The following SNX24 variants were observed in gnomAD, a reference collection of about 807,000 sequenced individuals.
SNX24 encodes sorting nexin 24, also known as sorting nexin-24.
A neutral mutation model predicts 28.7 loss-of-function variants in SNX24; 22 were observed. The observed-to-expected ratio is 0.77, with a 90% CI of 0.55 to 1.10. The LOEUF (loss-of-function observed/expected upper bound fraction) is 1.10. Among genes scored for constraint, SNX24 ranks in the 50% least tolerant of loss-of-function variants. The pLI is 0.00. For missense variants in SNX24, 221 were observed against 201.1 expected (o/e 1.10, Z -0.60); for synonymous variants, 69 against 71.5 (o/e 0.96, Z 0.18).
chr5:123,023,801 C>A, intron 5 of SNX24: 3 of 1,397,002 alleles, frequency 2.1e-6, no homozygotes, highest in South Asian at 1.7e-5. Context: ...AATTGAAAGA[C>A]AACACAACAC....
chr5:122,915,770 G>T (rs561695191), intron 1 of SNX24, among the ~76,000 whole-genome samples: 1 of 152,298 alleles, frequency 6.6e-6, no homozygotes, highest in East Asian at 1.9e-4. Context: ...TCTGCCCTCT[G>T]CCTACCTTAG....
chr5:122,927,156 A>G (rs905388801), intron 1 of SNX24, among the ~76,000 whole-genome samples: 2 of 152,130 alleles, frequency 1.3e-5, no homozygotes, highest in African/African-American at 4.8e-5. Flanking sequence ...GCCATTATAA[A>G]CTCCATGTTA....
intron 1 of SNX24, among the ~76,000 whole-genome samples, chr5:122,878,587 A>G (rs889839211): frequency 1.3e-5 from 2 of 152,146 alleles, no homozygotes; most frequent in Non-Finnish European, 2.9e-5. Flanking sequence ...GGAGGTGGGA[A>G]TGAAGCTTCC....
chr5:122,925,845 C>T (rs1326374013), intron 1 of SNX24, among the ~76,000 whole-genome samples: 1 of 152,194 alleles, frequency 6.6e-6, no homozygotes, highest in African/African-American at 2.4e-5. Flanking sequence ...ATTCAACCTG[C>T]TGTGTTGCAA....
chr5:122,906,087 G>A (rs907847273), intron 1 of SNX24, among the ~76,000 whole-genome samples: 6 of 152,182 alleles, frequency 3.9e-5, no homozygotes, highest in African/African-American at 1.4e-4. Context: ...GAACCTGCAG[G>A]TAAAGTGTTC....
chr5:123,028,773 AC>A (rs1388136350), intron 5 of SNX24: 5 of 1,606,608 alleles, frequency 3.1e-6, no homozygotes, highest in Non-Finnish European at 4.3e-6. Flanking sequence ...CAAAGACGTT[AC>A]CCCCAGTGCC....
intron 5 of SNX24, among the ~76,000 whole-genome samples, chr5:123,020,802 C>T (rs1376370279): frequency 6.6e-6 from 1 of 152,224 alleles, no homozygotes; most frequent in Non-Finnish European, 1.5e-5. Flanking sequence ...GGGCCACTTC[C>T]TTCTGTGCTG....
At chr5:122,893,241 G>C (rs1420491281) in intron 1 of SNX24, among the ~76,000 whole-genome samples, 1 of 56,732 alleles carries the variant, frequency 1.8e-5, no homozygotes, top group Non-Finnish European at 2.7e-5. Context: ...TTGTCACAAG[G>C]GATCTCCTTC....
In SNX24 at chr5:122,946,074, C is replaced by A; in HGVS notation, c.164C>A (p.Thr55Asn). ...LHKKLKKCIK[T>N]PEIPSKHVRN... ...TTATAGCTTAAGAAATGTATAAAAA[C>A]TCCAGAAATCCCTTCTAAACATGTT... The change falls in exon 3 of 7, where the codon ACT becomes AAT. Residue 55 changes from threonine to asparagine, a missense_variant. Coordinates refer to ENST00000261369, the MANE Select transcript of SNX24 (RefSeq NM_014035.4). The A allele has an allele frequency of 6.3e-7, 1 of 1,582,778 alleles. No individual in the cohort carries two copies.
intron 1 of SNX24, among the ~76,000 whole-genome samples, chr5:122,926,292 G>C (rs1195488758): frequency 6.6e-6 from 1 of 152,184 alleles, no homozygotes; most frequent in African/African-American, 2.4e-5. Context: ...GGCTGGACCA[G>C]GGTGAGTGAG....
At chr5:122,968,929 A>T (rs1330992162) in intron 3 of SNX24, among the ~76,000 whole-genome samples, 1 of 152,122 alleles carries the variant, frequency 6.6e-6, no homozygotes, top group Non-Finnish European at 1.5e-5. Context: ...AGGTATAATT[A>T]AATATGCACT....
At chr5:122,970,724 T>C (rs1760924788) in intron 3 of SNX24, among the ~76,000 whole-genome samples, 1 of 152,120 alleles carries the variant, frequency 6.6e-6, no homozygotes, top group Non-Finnish European at 1.5e-5. Context: ...CGTCTTGGCC[T>C]CCCAAAGTGC....
intron 1 of SNX24, among the ~76,000 whole-genome samples, chr5:122,901,964 C>G (rs1757466236): frequency 6.6e-6 from 1 of 152,130 alleles, no homozygotes; most frequent in African/African-American, 2.4e-5. Context: ...AAACAATATT[C>G]TTTTGTCTTA....
chr5:123,026,627 G>A (rs1762858530), intron 5 of SNX24, among the ~76,000 whole-genome samples: 1 of 152,242 alleles, frequency 6.6e-6, no homozygotes, highest in Non-Finnish European at 1.5e-5. Flanking sequence ...TGATCTGGAA[G>A]TTGTTGGTCA....
intron 1 of SNX24, among the ~76,000 whole-genome samples, chr5:122,846,694 G>A (rs1754652453): frequency 6.6e-6 from 1 of 152,140 alleles, no homozygotes; most frequent in South Asian, 2.1e-4. Context: ...CCTCTCAAAG[G>A]AAGATTTAGA....
At chr5:122,881,269 C>T (rs1411722730) in intron 1 of SNX24, among the ~76,000 whole-genome samples, 2 of 151,970 alleles carry the variant, frequency 1.3e-5, no homozygotes, top group South Asian at 2.1e-4. Flanking sequence ...ATATGTTGTT[C>T]ATTTTATCTT....
intron 1 of SNX24, among the ~76,000 whole-genome samples, chr5:122,906,583 A>G (rs1757654670): frequency 6.6e-6 from 1 of 152,116 alleles, no homozygotes; most frequent in Non-Finnish European, 1.5e-5. Flanking sequence ...ATCTTGGCTC[A>G]CTGCAACCTC....
At chr5:122,934,014 C>G (rs1759080022) in intron 1 of SNX24, among the ~76,000 whole-genome samples, 1 of 151,890 alleles carries the variant, frequency 6.6e-6, no homozygotes, top group African/African-American at 2.4e-5. Flanking sequence ...AACTCCTGAC[C>G]TCAGGTGATA....
downstream of SNX24, among the ~76,000 whole-genome samples, chr5:123,010,107 T>C (rs1422892336): frequency 1.3e-5 from 2 of 152,150 alleles, no homozygotes; most frequent in Non-Finnish European, 2.9e-5. Flanking sequence ...TGGCCTTGCT[T>C]GCCAGCAACC....
Sources: gnomAD v4.1 joint callset for allele counts (sites outside exome capture counted in the v4.1 genomes callset) on GRCh38, gnomAD v4.1.1 for gene constraint, MANE v1.5 for transcripts, NCBI Gene and HGNC (gene_info 2026-07-23, HGNC 2026-07-21) for gene names.